Variants in CPQ observed in about 807,000 individuals in gnomAD.
CPQ encodes Ser-Met dipeptidase.
In CPQ, 37 loss-of-function variants were observed where a neutral mutation model predicts 45.7. The observed-to-expected ratio is 0.81, with a 90% CI of 0.62 to 1.07. The LOEUF (loss-of-function observed/expected upper bound fraction) is 1.07. CPQ is among the 50% of genes least tolerant of loss of function. The pLI is 0.00. For synonymous variants in CPQ, 186 were observed against 205.8 expected (o/e 0.90, Z 0.82); for missense variants, 537 against 572.9 (o/e 0.94, Z 0.64).
At chr8:96,921,552 G>A (rs1159818277) in intron 4 of CPQ, among the ~76,000 whole-genome samples, 2 of 152,114 alleles carry the variant, frequency 1.3e-5, no homozygotes, top group Non-Finnish European at 2.9e-5. Context: ...CCTGTTTTGA[G>A]CCCCGAGTTT....
At chr8:96,893,132 G>C (rs1051137727) in intron 4 of CPQ, among the ~76,000 whole-genome samples, 1 of 152,216 alleles carries the variant, frequency 6.6e-6, no homozygotes, top group African/African-American at 2.4e-5. Context: ...AAGCTTCTGA[G>C]TGGCTGAGCT....
chr8:96,753,641 T>C (rs1810291097), intron 1 of CPQ, among the ~76,000 whole-genome samples: 1 of 139,418 alleles, frequency 7.2e-6, no homozygotes, highest in Non-Finnish European at 1.7e-5. Flanking sequence ...CTTGAATATG[T>C]ATTTTATAAT....
chr8:96,658,271 A>G (rs1815660311), intron 1 of CPQ, among the ~76,000 whole-genome samples: 1 of 152,234 alleles, frequency 6.6e-6, no homozygotes, highest in Non-Finnish European at 1.5e-5. Flanking sequence ...TTTAGGGTTT[A>G]CAACTTAAAC....
intron 3 of CPQ, among the ~76,000 whole-genome samples, chr8:96,873,058 G>A (rs1263034514): frequency 2.0e-5 from 3 of 151,742 alleles, no homozygotes; most frequent in African/African-American, 7.2e-5. Flanking sequence ...CTCTTGTGGA[G>A]TTGGCTGCTT....
At chr8:96,650,260 AG>A (rs1815562831) in intron 1 of CPQ, among the ~76,000 whole-genome samples, 1 of 152,228 alleles carries the variant, frequency 6.6e-6, no homozygotes, top group African/African-American at 2.4e-5. Context: ...AAAAATGAAA[AG>A]GGTAATGATT....
intron 4 of CPQ, among the ~76,000 whole-genome samples, chr8:96,945,245 C>T (rs924363225): frequency 6.6e-6 from 1 of 152,108 alleles, no homozygotes; most frequent in Non-Finnish European, 1.5e-5. Flanking sequence ...GCACAGTCGT[C>T]TCAAAAGTGG....
intron 7 of CPQ, among the ~76,000 whole-genome samples, chr8:97,079,345 G>T (rs947895120): frequency 2.7e-4 from 41 of 152,238 alleles, no homozygotes; most frequent in African/African-American, 9.6e-4. Context: ...CCAAGTAAAT[G>T]CTATGAAGCA....
At chr8:96,968,649 A>C (rs772392497) in intron 5 of CPQ, among the ~76,000 whole-genome samples, 9 of 152,246 alleles carry the variant, frequency 5.9e-5, no homozygotes, top group Non-Finnish European at 1.2e-4. Flanking sequence ...TGTGTCATGC[A>C]GCATGTCAGA....
chr8:96,946,480 A>G (rs1314123879), intron 4 of CPQ, among the ~76,000 whole-genome samples: 2 of 151,826 alleles, frequency 1.3e-5, no homozygotes, highest in Non-Finnish European at 2.9e-5. Flanking sequence ...TTTAAGTTTT[A>G]GGGTACATGT....
chr8:97,090,544 A>G (rs1311726043), intron 7 of CPQ, among the ~76,000 whole-genome samples: 1 of 152,212 alleles, frequency 6.6e-6, no homozygotes, highest in Non-Finnish European at 1.5e-5. Flanking sequence ...ATACCAGATT[A>G]CATGTCATGT....
chr8:97,080,237 G>A (rs1430687044), intron 7 of CPQ, among the ~76,000 whole-genome samples: 1 of 152,192 alleles, frequency 6.6e-6, no homozygotes, highest in Non-Finnish European at 1.5e-5. Context: ...CATTGCGATT[G>A]GCAGTGGTTT....
chr8:97,138,489 G>A (rs140223690), intron 7 of CPQ, among the ~76,000 whole-genome samples: 1 of 152,330 alleles, frequency 6.6e-6, no homozygotes, highest in East Asian at 1.9e-4. Context: ...GGGATTTGAA[G>A]AGGGAAATCC....
chr8:96,791,125 G>A (rs1810840398), intron 2 of CPQ, among the ~76,000 whole-genome samples: 1 of 152,156 alleles, frequency 6.6e-6, no homozygotes, highest in Admixed American at 6.5e-5. Context: ...CCAGATGAGA[G>A]AACCAGACTC....
At chr8:96,967,809 C>T (rs928217428) in intron 5 of CPQ, among the ~76,000 whole-genome samples, 3 of 152,198 alleles carry the variant, frequency 2.0e-5, no homozygotes, top group African/African-American at 7.2e-5. Context: ...CAAATCTCAG[C>T]TCTGCAGTCT....
chr8:96,994,453 T>C (rs1809145103), intron 5 of CPQ, among the ~76,000 whole-genome samples: 1 of 152,158 alleles, frequency 6.6e-6, no homozygotes. Flanking sequence ...TCTACCCAAG[T>C]CCATGTGACT....
Position 96,879,908 on chromosome 8 carries a change from A to G in CPQ, c.752A>G (p.Lys251Arg), listed in dbSNP as rs972675589. The G allele has an allele frequency of 3.7e-6, 6 of 1,613,986 alleles. No individual in the cohort carries two copies. In the African/African-American group the frequency reaches 5.3e-5, roughly 14 times the overall value. The change falls in exon 4 of 8, where the codon AAA (lysine) becomes AGA (arginine). Residue 251 changes from lysine to arginine, a missense_variant. By Grantham distance (26) the Lys-to-Arg change is conservative. Coordinates refer to ENST00000220763, the MANE Select transcript of CPQ (RefSeq NM_016134.4). ...TCAAGAATGGCTTCTCATGGGATCA[A>G]AATTGTCATTCAGCTAAAGATGGGG... is the stretch of plus-strand genomic sequence containing the variant. ...MMSRMASHGI[K>R]IVIQLKMGAK...
chr8:96,702,023 T>C (rs1449809440), intron 1 of CPQ, among the ~76,000 whole-genome samples: 6 of 152,216 alleles, frequency 3.9e-5, no homozygotes, highest in Admixed American at 3.9e-4. Flanking sequence ...TTTCACTTTG[T>C]CTCAAGCTTC....
At chr8:96,749,079 T>C (rs947137732) in intron 1 of CPQ, among the ~76,000 whole-genome samples, 14 of 152,214 alleles carry the variant, frequency 9.2e-5, no homozygotes, top group African/African-American at 3.4e-4. Flanking sequence ...TAATAATGAT[T>C]ATTCTGTTTA....
intron 1 of CPQ, among the ~76,000 whole-genome samples, chr8:96,657,025 T>A (rs1192677002): frequency 5.3e-5 from 8 of 151,996 alleles, no homozygotes; most frequent in Admixed American, 5.2e-4. Context: ...TTACCTTTTT[T>A]TTTTTTTTAC....
Sources: gnomAD v4.1 joint callset for allele counts (sites outside exome capture counted in the v4.1 genomes callset) on GRCh38, gnomAD v4.1.1 for gene constraint, MANE v1.5 for transcripts, NCBI Gene and HGNC (gene_info 2026-07-23, HGNC 2026-07-21) for gene names.